The following CDH12 variants were observed in gnomAD, a reference collection of about 807,000 sequenced individuals.
CDH12 encodes cadherin-12.
In CDH12, 41 loss-of-function variants were observed where a neutral mutation model predicts 74.1. The observed-to-expected ratio is 0.55, with a 90% CI of 0.43 to 0.72. The LOEUF is 0.72. CDH12 is among the 30% of genes least tolerant of loss of function. CDH12 has a pLI of 0.00. For missense variants in CDH12, 945 were observed against 977.2 expected (o/e 0.97, Z 0.44); for synonymous variants, 399 against 355.0 (o/e 1.12, Z -1.39).
At chr5:22,153,179 T>TTTTC (rs1747722260) in intron 4 of CDH12, among the ~76,000 whole-genome samples, 1 of 121,742 alleles carries the variant, frequency 8.2e-6, no homozygotes, top group Non-Finnish European at 2.0e-5. Flanking sequence ...CGTTTTTTTC[T>TTTTC]TTTCTTTTTT....
chr5:22,169,748 G>T (rs574579072), intron 4 of CDH12, among the ~76,000 whole-genome samples: 1 of 151,988 alleles, frequency 6.6e-6, no homozygotes, highest in Non-Finnish European at 1.5e-5. Context: ...ATATCTCATT[G>T]TATTCTCTGT....
chr5:21,781,325 C>A (rs372511204), intron 11 of CDH12, among the ~76,000 whole-genome samples: 1 of 152,092 alleles, frequency 6.6e-6, no homozygotes, highest in Non-Finnish European at 1.5e-5. Flanking sequence ...GATTCCTATG[C>A]GGAGGGGACA....
At chr5:21,831,472 C>G (rs1411955039) in intron 8 of CDH12, among the ~76,000 whole-genome samples, 1 of 152,164 alleles carries the variant, frequency 6.6e-6, no homozygotes. Flanking sequence ...GCTTTTCTCT[C>G]TATAATGATC....
At chr5:22,092,881 A>G (rs1329579063) in intron 4 of CDH12, among the ~76,000 whole-genome samples, 1 of 152,204 alleles carries the variant, frequency 6.6e-6, no homozygotes, top group Non-Finnish European at 1.5e-5. Context: ...TTGATGAACA[A>G]AATCTCATAT....
Position 21,839,922 on chromosome 5 carries a change from C to G in CDH12, c.814+2239G>C, listed in dbSNP as rs78331425. Among the ~76,000 whole-genome samples, 64 of 152,160 alleles carry G rather than the reference C, an allele frequency of 4.2e-4. 2 individuals carry two copies. In the East Asian group the frequency reaches 0.012, roughly 29 times the overall value. Reference sequence around the variant, plus strand: ...ATTGGTGTTAGATGTAATACTGCAACAGAAAACTAAATGTAACACAAGTGA... The same window carrying G: ...ATTGGTGTTAGATGTAATACTGCAAGAGAAAACTAAATGTAACACAAGTGA... On this transcript the variant is annotated intron_variant, in intron 8 of 14. Coordinates refer to ENST00000382254, the MANE Select transcript of CDH12 (RefSeq NM_004061.5).
chr5:21,777,016 T>G (rs747392030), intron 11 of CDH12, among the ~76,000 whole-genome samples: 4 of 152,224 alleles, frequency 2.6e-5, no homozygotes, highest in Non-Finnish European at 4.4e-5. Flanking sequence ...ATTATAAGGT[T>G]AATGGACACA....
intron 4 of CDH12, among the ~76,000 whole-genome samples, chr5:22,149,405 G>A (rs966858143): frequency 2.0e-5 from 3 of 152,100 alleles, no homozygotes; most frequent in Non-Finnish European, 2.9e-5. Flanking sequence ...GGTCTTTACC[G>A]TAATGCTTCA....
intron 2 of CDH12, among the ~76,000 whole-genome samples, chr5:22,459,664 G>A (rs1199024891): frequency 1.3e-5 from 2 of 152,098 alleles, no homozygotes; most frequent in Admixed American, 6.6e-5. Context: ...GAAAATAATT[G>A]CAAGTAATGA....
chr5:22,248,955 A>G (rs1023812830), intron 3 of CDH12, among the ~76,000 whole-genome samples: 2 of 152,134 alleles, frequency 1.3e-5, no homozygotes, highest in Admixed American at 6.5e-5. Context: ...CAATATATAC[A>G]ATTCTACTCC....
At chr5:22,092,691 C>T (rs906585213) in intron 4 of CDH12, among the ~76,000 whole-genome samples, 2 of 151,872 alleles carry the variant, frequency 1.3e-5, no homozygotes, top group African/African-American at 4.8e-5. Context: ...TTTGGTAGTT[C>T]CTCAAAATGT....
chr5:22,057,903 C>G (rs1373675755), intron 5 of CDH12, among the ~76,000 whole-genome samples: 1 of 152,088 alleles, frequency 6.6e-6, no homozygotes, highest in East Asian at 1.9e-4. Context: ...ATGAAAGTCG[C>G]TCAAAAGGTT....
At chr5:22,073,168 T>G (rs1561081732) in intron 5 of CDH12, among the ~76,000 whole-genome samples, 1 of 152,160 alleles carries the variant, frequency 6.6e-6, no homozygotes, top group Non-Finnish European at 1.5e-5. Flanking sequence ...GTCTCAGTTG[T>G]AATGCATTCT....
At chr5:22,027,021 T>C (rs890965126) in intron 5 of CDH12, among the ~76,000 whole-genome samples, 1 of 152,202 alleles carries the variant, frequency 6.6e-6, no homozygotes, top group African/African-American at 2.4e-5. Context: ...GTTTTTAGCA[T>C]GAAGGTCGTT....
intron 3 of CDH12, among the ~76,000 whole-genome samples, chr5:22,267,253 A>G (rs996018898): frequency 5.3e-5 from 8 of 152,198 alleles, no homozygotes; most frequent in African/African-American, 1.9e-4. Context: ...TACTTGAATA[A>G]TTATGTTCTA....
chr5:22,609,466 T>G (rs1457625585), intron 1 of CDH12, among the ~76,000 whole-genome samples: 3 of 152,234 alleles, frequency 2.0e-5, no homozygotes, highest in African/African-American at 7.2e-5. Flanking sequence ...AGCTATTATG[T>G]CTTAAGTATC....
At chr5:22,429,012 T>C (rs917081982) in intron 2 of CDH12, among the ~76,000 whole-genome samples, 2 of 152,192 alleles carry the variant, frequency 1.3e-5, no homozygotes, top group Admixed American at 6.6e-5. Flanking sequence ...CTATTCCTCA[T>C]GTAAAATATA....
chr5:22,744,218 A>G (rs542406566), intron 1 of CDH12, among the ~76,000 whole-genome samples: 85 of 152,204 alleles, frequency 5.6e-4, no homozygotes, highest in Non-Finnish European at 1.2e-3. Context: ...TCACGAGGTC[A>G]GGAGATCAAG....
intron 6 of CDH12, among the ~76,000 whole-genome samples, chr5:21,948,394 GCTT>G (rs1755674802): frequency 6.6e-6 from 1 of 152,224 alleles, no homozygotes; most frequent in Non-Finnish European, 1.5e-5. Flanking sequence ...TTATTTTAAA[GCTT>G]TATGTTTTAA....
chr5:22,547,775 C>T (rs1222296471), intron 1 of CDH12, among the ~76,000 whole-genome samples: 1 of 151,976 alleles, frequency 6.6e-6, no homozygotes, highest in Non-Finnish European at 1.5e-5. Context: ...GTGGTCTGAA[C>T]GTATTAGGGG....
Sources: allele counts gnomAD v4.1 joint callset (sites outside exome capture counted in the v4.1 genomes callset), GRCh38; gene constraint gnomAD v4.1.1; transcripts MANE v1.5; gene names NCBI Gene and HGNC (gene_info 2026-07-23, HGNC 2026-07-21).